PDE4D: variants seen among roughly 807,000 people sequenced by gnomAD.
PDE4D encodes phosphodiesterase 4D.
In PDE4D, 24 loss-of-function variants were observed where a neutral mutation model predicts 87.4. That is an observed-to-expected ratio of 0.27 (90% CI 0.20 to 0.39). The LOEUF (loss-of-function observed/expected upper bound fraction) is 0.39, where lower values mean the gene tolerates loss of function less well. Ranked by LOEUF, PDE4D falls within the 10% of genes least tolerant of loss-of-function variation. PDE4D has a pLI of 1.00. For missense variants in PDE4D, 714 were observed against 1,041.0 expected (o/e 0.69, Z 4.32); for synonymous variants, 384 against 383.2 (o/e 1.00, Z -0.02).
At chr5:59,938,043 T>C (rs1756790936) in intron 3 of PDE4D, among the ~76,000 whole-genome samples, 1 of 152,236 alleles carries the variant, frequency 6.6e-6, no homozygotes, top group Admixed American at 6.5e-5. Context: ...TTTCTATTAG[T>C]GGAACTGTAA....
chr5:59,442,704 G>A (rs767078377), intron 1 of PDE4D, among the ~76,000 whole-genome samples: 5 of 152,202 alleles, frequency 3.3e-5, no homozygotes, highest in Admixed American at 2.0e-4. Flanking sequence ...GGGAATAGGT[G>A]CAGCAACCTA....
chr5:59,689,027 T>C (rs919076304), intron 1 of PDE4D, among the ~76,000 whole-genome samples: 2 of 152,192 alleles, frequency 1.3e-5, no homozygotes, highest in Admixed American at 6.5e-5. Flanking sequence ...CAGGAAGAAG[T>C]TGAATCCCTC....
chr5:59,977,257 C>T (rs2152822246), intron 3 of PDE4D, among the ~76,000 whole-genome samples: 1 of 152,324 alleles, frequency 6.6e-6, no homozygotes, highest in South Asian at 2.1e-4. Flanking sequence ...AAGTACTACT[C>T]TGGTGAACAC....
intron 5 of PDE4D, among the ~76,000 whole-genome samples, chr5:59,104,725 A>T (rs919271879): frequency 6.6e-6 from 1 of 152,068 alleles, no homozygotes; most frequent in East Asian, 1.9e-4. Context: ...CAAAGGAAAG[A>T]GGGAAGGAGA....
At chr5:59,290,677 C>G (rs1163593106) in intron 1 of PDE4D, among the ~76,000 whole-genome samples, 1 of 152,086 alleles carries the variant, frequency 6.6e-6, no homozygotes, top group African/African-American at 2.4e-5. Flanking sequence ...TATTTGCAAA[C>G]TATCCATCTG....
chr5:59,897,988 T>C (rs1275278231), upstream of PDE4D, among the ~76,000 whole-genome samples: 1 of 152,216 alleles, frequency 6.6e-6, no homozygotes, highest in Non-Finnish European at 1.5e-5. Flanking sequence ...GATAATATTG[T>C]CAGTATTGCC....
chr5:59,521,366 A>G (rs1162545894), intron 1 of PDE4D, among the ~76,000 whole-genome samples: 2 of 152,210 alleles, frequency 1.3e-5, no homozygotes, highest in African/African-American at 4.8e-5. Context: ...ATAACTGCCC[A>G]GTCTCTTGCT....
chr5:59,137,896 A>G (rs1407629033), intron 5 of PDE4D, among the ~76,000 whole-genome samples: 3 of 152,254 alleles, frequency 2.0e-5, no homozygotes, highest in Non-Finnish European at 2.9e-5. Context: ...ATGTATCAGT[A>G]ATTTATATGC....
At position 59,215,688 on chromosome 5, in the gene PDE4D, T is replaced by C. The variant is rs973650134; in HGVS notation, c.647+89A>G. On this transcript the variant is annotated intron_variant, in intron 2 of 14. Transcript: ENST00000340635. ...TCTACATTGGAGGAGAGTGATACAG[T>C]TGAACAAAAGTCATTAGTTTTATTA... The C allele has an allele frequency of 3.2e-5, 35 of 1,109,308 alleles. No homozygotes were observed. In the South Asian group the frequency reaches 4.3e-4, roughly 14 times the overall value. 68.7% of individuals were successfully genotyped at this position (1,109,308 alleles called of 1,614,324 possible). A position where few individuals can be genotyped will look rare whatever the true frequency, so the allele number is the denominator to read the frequency against.
At chr5:60,464,536 C>T (rs1345056645) in intron 1 of PDE4D, among the ~76,000 whole-genome samples, 3 of 152,072 alleles carry the variant, frequency 2.0e-5, no homozygotes, top group Non-Finnish European at 4.4e-5. Context: ...TGAAGTTCAG[C>T]GATACTCAGC....
At chr5:59,751,644 A>AAG (rs368490289) in intron 1 of PDE4D, among the ~76,000 whole-genome samples, 1 of 143,652 alleles carries the variant, frequency 7.0e-6, no homozygotes, top group African/African-American at 2.7e-5. Context: ...AAGCGAGAGC[A>AAG]AGAGAGAGAG....
chr5:59,704,310 T>C (rs1180909802), intron 1 of PDE4D, among the ~76,000 whole-genome samples: 4 of 152,208 alleles, frequency 2.6e-5, no homozygotes, highest in Non-Finnish European at 5.9e-5. Context: ...TCCCTGATAT[T>C]AGTAAGGATA....
At chr5:60,487,160 C>A (rs1001534797) in intron 1 of PDE4D, among the ~76,000 whole-genome samples, 4 of 152,144 alleles carry the variant, frequency 2.6e-5, no homozygotes, top group Non-Finnish European at 5.9e-5. Context: ...TATCCTAAAC[C>A]TTGTCAGCAA....
At chr5:60,458,424 A>AATGTGTG (rs150702341) in intron 1 of PDE4D, among the ~76,000 whole-genome samples, 5,924 of 150,658 alleles carry the variant, frequency 0.039, 215 homozygotes, top group East Asian at 0.17. Flanking sequence ...AGAAACAAAG[A>AATGTGTG]ATGTGTGTCA....
chr5:60,154,260 G>T lies in PDE4D; in HGVS notation c.42+31297C>A, dbSNP rs987554642. ...CAGGATTTGGTAAGTTAATTGAAAAGAATGAAAAAATTCTATTAACTTCTT... is the reference window on the plus strand; with the variant it reads ...CAGGATTTGGTAAGTTAATTGAAAATAATGAAAAAATTCTATTAACTTCTT... On this transcript the variant is annotated intron_variant, in intron 2 of 16. Coordinates refer to the PDE4D transcript ENST00000502484. Among the ~76,000 whole-genome samples, 6 of 145,822 alleles carry T rather than the reference G, an allele frequency of 4.1e-5. No individual in the cohort carries two copies. In the Admixed American group the frequency reaches 4.2e-4, roughly 10 times the overall value.
intron 7 of PDE4D, among the ~76,000 whole-genome samples, chr5:58,992,960 G>A (rs947444309): frequency 3.0e-4 from 45 of 152,194 alleles, no homozygotes; most frequent in African/African-American, 9.4e-4. Flanking sequence ...CAGTTTACTA[G>A]GCTTGATGTA....
intron 1 of PDE4D, among the ~76,000 whole-genome samples, chr5:60,235,644 C>CA (rs1017885252): frequency 8.9e-4 from 130 of 146,860 alleles, no homozygotes; most frequent in South Asian, 3.0e-3. Context: ...TCTCAGTTCA[C>CA]AAAAAAAAAA....
At chr5:60,103,225 T>A (rs977654538) in intron 2 of PDE4D, among the ~76,000 whole-genome samples, 1 of 152,174 alleles carries the variant, frequency 6.6e-6, no homozygotes, top group African/African-American at 2.4e-5. Flanking sequence ...AGTAAGAGCC[T>A]TGGAGTTATT....
At chr5:60,390,797 C>T (rs543205655) in intron 1 of PDE4D, among the ~76,000 whole-genome samples, 3 of 152,254 alleles carry the variant, frequency 2.0e-5, no homozygotes, top group South Asian at 2.1e-4. Context: ...CCATCCCTCC[C>T]GTGCCAGGAA....
Sources: gnomAD v4.1 joint callset for allele counts (sites outside exome capture counted in the v4.1 genomes callset) on GRCh38, gnomAD v4.1.1 for gene constraint, MANE v1.5 for transcripts, NCBI Gene and HGNC (gene_info 2026-07-23, HGNC 2026-07-21) for gene names.